Variants in TENT2 observed in about 807,000 individuals in gnomAD.
The protein encoded by TENT2 is terminal nucleotidyltransferase 2.
A neutral mutation model predicts 72.2 loss-of-function variants in TENT2; 44 were observed. That is an observed-to-expected ratio of 0.61 (90% confidence interval 0.48 to 0.78). TENT2 has a LOEUF of 0.78. Ranked by LOEUF, TENT2 falls within the 30% of genes least tolerant of loss-of-function variation. TENT2 has a pLI of 0.00. For synonymous variants in TENT2, 212 were observed against 192.5 expected (o/e 1.10, Z -0.84); for missense variants, 541 against 569.6 (o/e 0.95, Z 0.51).
At position 79,648,693 on chromosome 5, in the gene TENT2, C is replaced by A. The variant is rs267600707; in HGVS notation, c.898C>A (p.Leu300Ile). Residue 300 changes from leucine to isoleucine, a missense_variant and splice_region_variant, in exon 9 of 15, where the codon CTT becomes ATT. Leu to Ile is a conservative substitution (Grantham distance 5). Coordinates refer to ENST00000453514, the MANE Select transcript of TENT2 (RefSeq NM_001114394.3). ...NTFLLRTYAY[L>I]ENRVRPLVLV... Reference sequence around the variant, plus strand: ...ATTCCTTCTCAGAACTTATGCATACCGTAAGTTTGTTGTTTGTTTATTAAA... The same window carrying A: ...ATTCCTTCTCAGAACTTATGCATACAGTAAGTTTGTTGTTTGTTTATTAAA... 2 of 1,574,524 alleles carry A rather than the reference C, an allele frequency of 1.3e-6. No individual in the cohort carries two copies. Among genetic ancestry groups the A allele is most frequent in the South Asian group, 1.2e-5 (1 of 83,626 alleles).
intron 7 of TENT2, among the ~76,000 whole-genome samples, chr5:79,643,986 CTT>C (rs555747246): frequency 7.7e-5 from 11 of 142,154 alleles, no homozygotes; most frequent in Non-Finnish European, 6.2e-5. Context: ...TTGATATATT[CTT>C]TTTTTTTTTT....
At chr5:79,656,862 C>A in intron 10 of TENT2, 96 bp from the exon 11 acceptor site, 6 of 765,380 alleles carry the variant, frequency 7.8e-6, no homozygotes, top group South Asian at 2.0e-5. Context: ...TAGCATAAAC[C>A]CTTATGGTCT....
Position 79,639,769 on chromosome 5 carries a change from T to G in TENT2, c.466-1082T>G, listed in dbSNP as rs551128244. 4.6e-5 allele frequency among the ~76,000 whole-genome samples: 7 copies of G among 152,258 alleles called. No homozygotes were observed. In the East Asian group the frequency reaches 1.4e-3, roughly 29 times the overall value. ...AAGATATTATATTGGAATTTAAAAT[T>G]TCAGAGCTAGAGCAGTTCCAGTTTA... On this transcript the variant is annotated intron_variant, in intron 4 of 14. Transcript: ENST00000453514.
chr5:79,659,553 A>AAGT lies in TENT2; in HGVS notation c.1071+2553_1071+2554insGTA, dbSNP rs1554086793. ...TCTCAAAAAAAAAAAAAAAAAAAAA[A>AAGT]ATGTATATATATATATATATATATA... is the stretch of plus-strand genomic sequence containing the variant. On this transcript the variant is annotated intron_variant, in intron 11 of 14. Coordinates refer to ENST00000453514, the MANE Select transcript of TENT2 (RefSeq NM_001114394.3). Among the ~76,000 whole-genome samples, 2 of 26,858 alleles carry AAGT rather than the reference A, an allele frequency of 7.4e-5. 1 individual carries two copies. The highest frequency in any genetic ancestry group is 1.1e-4 in the Non-Finnish European group (2 of 17,860). 17.6% of individuals were successfully genotyped at this position (26,858 alleles called of 152,430 possible). A position where few individuals can be genotyped will look rare whatever the true frequency, so the allele number is the denominator to read the frequency against.
chr5:79,656,725 A>T (rs1798233622), intron 10 of TENT2, among the ~76,000 whole-genome samples: 1 of 152,008 alleles, frequency 6.6e-6, no homozygotes, highest in African/African-American at 2.4e-5. Flanking sequence ...CATGTGAGGA[A>T]CATTGATTTA....
intron 11 of TENT2, among the ~76,000 whole-genome samples, chr5:79,666,784 A>G (rs1322454898): frequency 6.6e-6 from 1 of 152,180 alleles, no homozygotes; most frequent in Non-Finnish European, 1.5e-5. Context: ...AACTTACTTC[A>G]GAAAGTGCTT....
rs1826061829 is a variant in TENT2 at position 79,686,465 on chromosome 5, T to TC, written c.*1194dup. 6.6e-6 allele frequency: 1 copy of TC among 152,098 alleles called. No homozygotes were observed. Among genetic ancestry groups the TC allele is most frequent in the African/African-American group, 2.4e-5 (1 of 41,450 alleles). 9.4% of individuals were successfully genotyped at this position (152,098 alleles called of 1,614,324 possible). On this transcript the variant is annotated 3_prime_UTR_variant, in exon 15 of 15. Coordinates refer to ENST00000453514, the MANE Select transcript of TENT2 (RefSeq NM_001114394.3). ...TTTTAACTTTTTCAAAAGAACTATG[T>TC]CCAACATTTTTTAGACCTGCTGTAG...
At chr5:79,651,416 G>A (rs908923506) in intron 10 of TENT2, among the ~76,000 whole-genome samples, 1 of 151,476 alleles carries the variant, frequency 6.6e-6, no homozygotes, top group African/African-American at 2.4e-5. Context: ...GAACCAAACT[G>A]GAGTTTTTAT....
At chr5:79,641,658 G>C (rs1054319806) in intron 6 of TENT2, among the ~76,000 whole-genome samples, 1 of 150,574 alleles carries the variant, frequency 6.6e-6, no homozygotes, top group African/African-American at 2.4e-5. Context: ...AATAAGACTC[G>C]TGTTTATTAA....
rs1783922043 is a variant in TENT2 at position 79,640,857 on chromosome 5, C to A, written c.472C>A (p.Gln158Lys). 1 of 1,600,318 alleles carries A rather than the reference C, an allele frequency of 6.2e-7. No individual in the cohort carries two copies. The highest frequency in any genetic ancestry group is 1.1e-5 in the South Asian group (1 of 88,006). ...TLPEAKDKLS[Q>K]QILELFETCQ... ...TTTTTGCGGTGGATTCAAGTTGAGTCAGCAGATACTGGAGTTATTTGAAAC... is the reference window on the plus strand; with the variant it reads ...TTTTTGCGGTGGATTCAAGTTGAGTAAGCAGATACTGGAGTTATTTGAAAC... Residue 158 changes from glutamine (Q) to lysine (K), a missense_variant, in exon 5 of 15, where the codon CAG becomes AAG. Transcript: ENST00000453514.
chr5:79,678,016 G>C lies in TENT2; in HGVS notation c.1209-1563G>C, dbSNP rs543836385. On this transcript the variant is annotated intron_variant, in intron 12 of 14. Coordinates refer to ENST00000453514, the MANE Select transcript of TENT2 (RefSeq NM_001114394.3). ...AACAATAGAGCAGAGTAGTCTTTCT[G>C]TTTGGAGTCTGTACTAATGAACTGC... is the stretch of plus-strand genomic sequence containing the variant. 3.3e-5 allele frequency among the ~76,000 whole-genome samples: 5 copies of C among 152,180 alleles called. No individual in the cohort carries two copies. In the South Asian group the frequency reaches 6.2e-4, roughly 19 times the overall value.
intron 4 of TENT2, among the ~76,000 whole-genome samples, chr5:79,639,322 CAG>C (rs1241603734): frequency 6.6e-5 from 10 of 152,060 alleles, no homozygotes; most frequent in Admixed American, 2.6e-4. Context: ...GTATGAAAAA[CAG>C]AAGTGATATC....
chr5:79,637,290 A>G (rs1192389718), intron 4 of TENT2, among the ~76,000 whole-genome samples: 1 of 152,146 alleles, frequency 6.6e-6, no homozygotes, highest in Non-Finnish European at 1.5e-5. Context: ...TTGTATGGGA[A>G]TTGATTAGAA....
At chr5:79,682,140 G>A in intron 14 of TENT2, 79 bp downstream of exon 14, 1 of 908,914 alleles carries the variant, frequency 1.1e-6, no homozygotes, top group Non-Finnish European at 1.7e-6. Context: ...GTGTGTAGTA[G>A]GACAGAATGG....
In TENT2 at chr5:79,642,842, A is replaced by G. The variant is rs1295508995; in HGVS notation, c.683A>G (p.Gln228Arg). ...TTTTTAACTTTTCAGTGTTTTTTTC[A>G]GGTAAATCAGAAGACTGAAGCACGG... is the stretch of plus-strand genomic sequence containing the variant. ...LVVKEEPCFFQVNQKTEARHI... is the reference protein window; with the variant it reads ...LVVKEEPCFFRVNQKTEARHI... Residue 228 changes from glutamine to arginine, a missense_variant, in exon 7 of 15, where the codon CAG becomes CGG. Physicochemically the swap from Gln to Arg is conservative, Grantham distance 43. Transcript: ENST00000453514. The G allele has an allele frequency of 3.7e-6, 6 of 1,609,384 alleles. No individual in the cohort carries two copies. The highest frequency in any genetic ancestry group is 5.1e-6 in the Non-Finnish European group (6 of 1,177,912).
At chr5:79,676,815 TTTAA>T (rs1351912348) in intron 12 of TENT2, among the ~76,000 whole-genome samples, 1 of 152,126 alleles carries the variant, frequency 6.6e-6, no homozygotes, top group Admixed American at 6.6e-5. Context: ...TATTTTACAC[TTTAA>T]TTATTGAGTG....
chr5:79,622,685 A>G (rs1046314460), intron 3 of TENT2, among the ~76,000 whole-genome samples: 1 of 152,200 alleles, frequency 6.6e-6, no homozygotes, highest in Admixed American at 6.5e-5. Flanking sequence ...TTTCTTCTAT[A>G]TAACCAAAAT....
intron 12 of TENT2, 84 bp downstream of exon 12, chr5:79,669,112 G>C: frequency 7.0e-7 from 1 of 1,438,718 alleles, no homozygotes; most frequent in Non-Finnish European, 9.4e-7. Context: ...GAATATATAA[G>C]TAAATGCTAC....
At chr5:79,641,290 T>C in intron 6 of TENT2, 94 bp downstream of exon 6, 1 of 1,042,974 alleles carries the variant, frequency 9.6e-7, no homozygotes, top group Non-Finnish European at 1.4e-6. Context: ...ACTTGCTTTG[T>C]TGTGATTACT....
Sources: gnomAD v4.1 joint callset for allele counts (sites outside exome capture counted in the v4.1 genomes callset) on GRCh38, gnomAD v4.1.1 for gene constraint, MANE v1.5 for transcripts, NCBI Gene and HGNC (gene_info 2026-07-23, HGNC 2026-07-21) for gene names.